The following UQCRC2 variants were observed in gnomAD, a reference collection of about 807,000 sequenced individuals.
The protein encoded by UQCRC2 is cytochrome b-c1 complex subunit 2, mitochondrial.
In UQCRC2, 49 loss-of-function variants were observed where a neutral mutation model predicts 55.6. That is an observed-to-expected ratio of 0.88 (90% confidence interval 0.70 to 1.12). The LOEUF (loss-of-function observed/expected upper bound fraction) is 1.12. Among genes scored for constraint, UQCRC2 ranks in the 50% most tolerant of loss-of-function variants. UQCRC2 has a pLI of 0.00. For missense variants in UQCRC2, 506 were observed against 547.8 expected (o/e 0.92, Z 0.76); for synonymous variants, 193 against 192.0 (o/e 1.01, Z -0.04).
At chr16:21,979,671 T>C (rs1898668477) in intron 12 of UQCRC2, among the ~76,000 whole-genome samples, 1 of 152,116 alleles carries the variant, frequency 6.6e-6, no homozygotes, top group African/African-American at 2.4e-5. Context: ...AGTCAGTGAG[T>C]GAGTGGTGAG....
At chr16:21,969,359 C>G (rs1358258865) in intron 8 of UQCRC2, among the ~76,000 whole-genome samples, 1 of 152,130 alleles carries the variant, frequency 6.6e-6, no homozygotes, top group African/African-American at 2.4e-5. Flanking sequence ...CATGGCGAAA[C>G]CCCGTCTCTA....
Position 21,957,468 on chromosome 16 carries a change from C to A in UQCRC2, c.169C>A (p.Pro57Thr), listed in dbSNP as rs1898106911. 1 of 1,614,010 alleles carries A rather than the reference C, an allele frequency of 6.2e-7. No individual in the cohort carries two copies. The highest frequency in any genetic ancestry group is 1.1e-5 in the South Asian group (1 of 91,084). The change falls in exon 3 of 14, where the codon CCT becomes ACT. Residue 57 changes from proline (P) to threonine (T), a missense_variant. Physicochemically the swap from Pro to Thr is conservative, Grantham distance 38. Coordinates refer to ENST00000268379, the MANE Select transcript of UQCRC2 (RefSeq NM_003366.4). ...GATTGCTTCTTTGGAAAACTATTCT[C>A]CTGTATCAAGAATTGGTTTGTTCAT... is the stretch of plus-strand genomic sequence containing the variant. ...LVIASLENYS[P>T]VSRIGLFIKA...
intron 13 of UQCRC2, 131 bp from the exon 14 acceptor site, chr16:21,982,957 C>G (rs1435098653): frequency 1.2e-6 from 1 of 810,714 alleles, no homozygotes; most frequent in Non-Finnish European, 1.9e-6. Flanking sequence ...GAGCGAGACT[C>G]CACCTCAAAA....
intron 5 of UQCRC2, 101 bp from the exon 6 acceptor site, chr16:21,962,660 A>G: frequency 6.3e-7 from 1 of 1,595,402 alleles, no homozygotes; most frequent in Non-Finnish European, 8.6e-7. Flanking sequence ...TGCTTACCAC[A>G]AGACCTAAAG....
At position 21,962,868 on chromosome 16, in the gene UQCRC2, T is replaced by A; in HGVS notation, c.497T>A (p.Phe166Tyr). The A allele has an allele frequency of 6.2e-7, 1 of 1,614,056 alleles. No individual in the cohort carries two copies. The highest frequency in any genetic ancestry group is 8.5e-7 in the Non-Finnish European group (1 of 1,179,992). The stretch of plus-strand genomic sequence containing the variant: ...CTAAAGATTGACAAAGCTGTGGCCT[T>A]TCAGAATCCGCAGACTCGTAAGTAC... ...PQLKIDKAVA[F>Y]QNPQTHVIEN... Residue 166 changes from phenylalanine (F) to tyrosine (Y), a missense_variant, in exon 6 of 14, where the codon TTT becomes TAT. Physicochemically the swap from Phe to Tyr is conservative, Grantham distance 22. Coordinates refer to ENST00000268379, the MANE Select transcript of UQCRC2 (RefSeq NM_003366.4).
rs1395345365 is a variant in UQCRC2 at position 21,958,525 on chromosome 16, C to G, written c.268-10C>G. On this transcript the variant is annotated splice_polypyrimidine_tract_variant and intron_variant, in intron 3 of 13. Transcript: ENST00000268379. ...AAAGCTACAAAGATAATCATTCTTT[C>G]TTTTTCAAGACGACAAAAGGAGCTT... 3.7e-6 allele frequency: 6 copies of G among 1,611,638 alleles called. No homozygotes were observed. The Admixed American group carries it at 1.0e-4, about 27-fold the overall frequency.
intron 11 of UQCRC2, among the ~76,000 whole-genome samples, chr16:21,975,842 A>C (rs1597966377): frequency 6.6e-6 from 1 of 152,128 alleles, no homozygotes; most frequent in Non-Finnish European, 1.5e-5. Context: ...TATAATCCCA[A>C]CACTTTGGGA....
Position 21,962,453 on chromosome 16 carries a change from G to C in UQCRC2, c.333-7G>C, listed in dbSNP as rs139040421. 73 of 1,614,024 alleles carry C rather than the reference G, an allele frequency of 4.5e-5. No individual in the cohort carries two copies. In the African/African-American group the frequency reaches 9.3e-4, roughly 21 times the overall value. Reference sequence around the variant, plus strand: ...GATGATTTACTCTAGTTTATTTTCCGATTCAGTGTGACCGCAACAAGGGAA... The same window carrying C: ...GATGATTTACTCTAGTTTATTTTCCCATTCAGTGTGACCGCAACAAGGGAA... On this transcript the variant is annotated splice_polypyrimidine_tract_variant and splice_region_variant and intron_variant, in intron 4 of 13. Coordinates refer to ENST00000268379, the MANE Select transcript of UQCRC2 (RefSeq NM_003366.4).
chr16:21,974,029 C>T (rs997442205), intron 11 of UQCRC2, 53 bp downstream of exon 11: 11 of 1,463,226 alleles, frequency 7.5e-6, no homozygotes, highest in Middle Eastern at 1.7e-4. Flanking sequence ...TTCTCCCCCC[C>T]GCCATAAACA....
chr16:21,971,889 T>A (rs1361977217), intron 9 of UQCRC2, 34 bp from the exon 10 acceptor site: 1 of 1,611,158 alleles, frequency 6.2e-7, no homozygotes, highest in Non-Finnish European at 8.5e-7. Flanking sequence ...AACAAGCCAT[T>A]TTCTTCTTCC....
In UQCRC2 at chr16:21,971,486, A is replaced by G. The variant is rs765172676; in HGVS notation, c.671-39A>G. Reference sequence around the variant, plus strand: ...AATATTTTACGATTGTGTTTTAGTAATTGTGGTTCTAGCTTTGTTTTTGCT... The same window carrying G: ...AATATTTTACGATTGTGTTTTAGTAGTTGTGGTTCTAGCTTTGTTTTTGCT... On this transcript the variant is annotated intron_variant, in intron 8 of 13. Coordinates refer to ENST00000268379, the MANE Select transcript of UQCRC2 (RefSeq NM_003366.4). The G allele has an allele frequency of 8.7e-6, 13 of 1,491,392 alleles. 1 individual carries two copies. Among genetic ancestry groups the G allele is most frequent in the Middle Eastern group, 1.7e-4 (1 of 5,746 alleles). 92.4% of individuals were successfully genotyped at this position (1,491,392 alleles called of 1,614,324 possible). A position where few individuals can be genotyped will look rare whatever the true frequency, so the allele number is the denominator to read the frequency against.
At chr16:21,959,446 C>A in intron 4 of UQCRC2, 1 of 173,964 alleles carries the variant, frequency 5.7e-6, no homozygotes, top group Non-Finnish European at 1.2e-5. Context: ...CATAAGATTG[C>A]AGCCATTCAG....
chr16:21,969,088 A>C (rs1459560965), intron 8 of UQCRC2, among the ~76,000 whole-genome samples: 1 of 152,198 alleles, frequency 6.6e-6, no homozygotes, highest in East Asian at 1.9e-4. Context: ...CCTCACTAAT[A>C]ATTAAGAAAA....
In UQCRC2 at chr16:21,972,029, T is replaced by G; in HGVS notation, c.873T>G (p.His291Gln). The part of the protein sequence containing the change: ...AEANAFSVLQ[H>Q]VLGAGPHVKR... ...CAAATGCATTTAGTGTTCTTCAGCA[T>G]GTCCTCGGTGCTGGGCCACATGTCA... The change falls in exon 10 of 14, where the codon CAT becomes CAG. Residue 291 changes from histidine to glutamine, a missense_variant. His to Gln is a conservative substitution (Grantham distance 24, BLOSUM62 0). Transcript: ENST00000268379. 6.2e-7 allele frequency: 1 copy of G among 1,614,212 alleles called. No homozygotes were observed. Among genetic ancestry groups the G allele is most frequent in the Non-Finnish European group, 8.5e-7 (1 of 1,180,018 alleles).
chr16:21,980,693 T>C lies in UQCRC2; in HGVS notation c.1271T>C (p.Ile424Thr), dbSNP rs759393622. The C allele has an allele frequency of 9.3e-6, 15 of 1,612,020 alleles. No homozygotes were observed. The highest frequency in any genetic ancestry group is 5.0e-5 in the Admixed American group (3 of 59,408). Reference sequence around the variant, plus strand: ...ATTGATTCAGTGGCTAATGCTGATATCATAAATGTAAGTAAATGAAAACTT... The same window carrying C: ...ATTGATTCAGTGGCTAATGCTGATACCATAAATGTAAGTAAATGAAAACTT... The part of the protein sequence containing the change: ...QQIDSVANAD[I>T]INAAKKFVSG... The change falls in exon 13 of 14, where the codon ATC becomes ACC. Residue 424 changes from isoleucine (I) to threonine (T), a missense_variant. Coordinates refer to ENST00000268379, the MANE Select transcript of UQCRC2 (RefSeq NM_003366.4).
intron 4 of UQCRC2, among the ~76,000 whole-genome samples, chr16:21,961,896 G>C (rs564772892): frequency 1.3e-5 from 2 of 151,206 alleles, no homozygotes; most frequent in African/African-American, 2.4e-5. Flanking sequence ...CAAGTGATCC[G>C]CCCACCTCGG....
chr16:21,956,997 A>T (rs2141925675), intron 1 of UQCRC2, among the ~76,000 whole-genome samples: 1 of 151,596 alleles, frequency 6.6e-6, no homozygotes, highest in Non-Finnish European at 1.5e-5. Flanking sequence ...TGAACCCAGG[A>T]GGTAGAGGTT....
Position 21,958,611 on chromosome 16 carries a change from A to G in UQCRC2, c.332+12A>G, listed in dbSNP as rs1433285220. On this transcript the variant is annotated intron_variant, in intron 4 of 13. Coordinates refer to ENST00000268379, the MANE Select transcript of UQCRC2 (RefSeq NM_003366.4). ...GGTGGCAAATTAAGGTTTGTTAAAT[A>G]AGTAATAGAAAATAGTGAAAATGCC... The G allele has an allele frequency of 6.2e-7, 1 of 1,605,484 alleles. No homozygotes were observed.
chr16:21,979,909 C>T (rs970438198), intron 12 of UQCRC2, among the ~76,000 whole-genome samples: 1 of 152,110 alleles, frequency 6.6e-6, no homozygotes, highest in Non-Finnish European at 1.5e-5. Context: ...CCTTGAATTT[C>T]GATCTTTTCC....
Sources: allele counts gnomAD v4.1 joint callset (sites outside exome capture counted in the v4.1 genomes callset), GRCh38; gene constraint gnomAD v4.1.1; transcripts MANE v1.5; gene names NCBI Gene and HGNC (gene_info 2026-07-23, HGNC 2026-07-21).